Variants in PCDH15 observed in about 807,000 individuals in gnomAD.
PCDH15 encodes the protein protocadherin-15.
Under a neutral mutation model 178.5 loss-of-function variants are expected in PCDH15, and 129 were observed. That is an observed-to-expected ratio of 0.72 (90% CI 0.63 to 0.84). The LOEUF (loss-of-function observed/expected upper bound fraction) is 0.84, where lower values mean the gene tolerates loss of function less well. Ranked by LOEUF, PCDH15 falls within the 40% of genes least tolerant of loss-of-function variation. The probability of loss-of-function intolerance (pLI) is 0.00; values close to 1 mark genes in which losing one functional copy is unlikely to be tolerated. For missense variants in PCDH15, 2,230 were observed against 2,099.9 expected (o/e 1.06, Z -1.21); for synonymous variants, 800 against 732.0 (o/e 1.09, Z -1.50).
chr10:54,236,028 T>C (rs1448708559), intron 9 of PCDH15, among the ~76,000 whole-genome samples: 1 of 152,170 alleles, frequency 6.6e-6, no homozygotes, highest in Non-Finnish European at 1.5e-5. Flanking sequence ...TATTTGTATA[T>C]GCACATAGGC....
chr10:54,164,255 T>C (rs1021000655), intron 13 of PCDH15, among the ~76,000 whole-genome samples: 8 of 152,140 alleles, frequency 5.3e-5, no homozygotes, highest in African/African-American at 1.9e-4. Context: ...GTTGAGAAAA[T>C]AATTTGGAAA....
intron 3 of PCDH15, among the ~76,000 whole-genome samples, chr10:54,807,077 G>A (rs1306443457): frequency 6.6e-6 from 1 of 152,124 alleles, no homozygotes; most frequent in Non-Finnish European, 1.5e-5. Flanking sequence ...AAGACATAAT[G>A]CTAGTGGCCC....
At chr10:54,959,814 T>C (rs1444287940) in intron 2 of PCDH15, among the ~76,000 whole-genome samples, 1 of 152,034 alleles carries the variant, frequency 6.6e-6, no homozygotes, top group Non-Finnish European at 1.5e-5. Context: ...TGTATAAATG[T>C]CATGAAAAAA....
intron 3 of PCDH15, among the ~76,000 whole-genome samples, chr10:54,821,229 T>G (rs1953034110): frequency 6.6e-6 from 1 of 152,044 alleles, no homozygotes; most frequent in Non-Finnish European, 1.5e-5. Flanking sequence ...TGTTTGTGTG[T>G]ATATTTACAA....
At chr10:55,462,791 T>C (rs1426256360) in intron 2 of PCDH15, among the ~76,000 whole-genome samples, 1 of 152,182 alleles carries the variant, frequency 6.6e-6, no homozygotes, top group Non-Finnish European at 1.5e-5. Flanking sequence ...GGTTGCTGAG[T>C]TTGCCAACTG....
At chr10:55,059,800 C>T (rs963377432) in intron 2 of PCDH15, among the ~76,000 whole-genome samples, 6 of 152,014 alleles carry the variant, frequency 3.9e-5, no homozygotes, top group Non-Finnish European at 8.8e-5. Context: ...TATTGCTGGA[C>T]ATACAATAAG....
intron 20 of PCDH15, among the ~76,000 whole-genome samples, chr10:54,001,217 C>T (rs1204727333): frequency 2.0e-5 from 3 of 152,000 alleles, no homozygotes; most frequent in South Asian, 2.1e-4. Context: ...AAAGAAAGTT[C>T]GTGAGTAATA....
chr10:55,487,636 T>A (rs1030827225), intron 2 of PCDH15, among the ~76,000 whole-genome samples: 2 of 151,688 alleles, frequency 1.3e-5, no homozygotes, highest in African/African-American at 4.8e-5. Flanking sequence ...CACTTTTGAT[T>A]ACTGCTAGAG....
intron 3 of PCDH15, among the ~76,000 whole-genome samples, chr10:54,844,583 C>T (rs1010619163): frequency 2.6e-5 from 4 of 151,848 alleles, no homozygotes; most frequent in Admixed American, 6.6e-5. Context: ...TTTCTTCACT[C>T]GTGATTTGGT....
chr10:55,424,654 A>C (rs1182367697), intron 2 of PCDH15, among the ~76,000 whole-genome samples: 2 of 152,120 alleles, frequency 1.3e-5, no homozygotes, highest in African/African-American at 4.8e-5. Flanking sequence ...TGTGGGTTGT[A>C]CTAGTATTTA....
At chr10:54,415,592 C>T (rs1954223336) in intron 3 of PCDH15, among the ~76,000 whole-genome samples, 1 of 151,566 alleles carries the variant, frequency 6.6e-6, no homozygotes, top group Non-Finnish European at 1.5e-5. Flanking sequence ...ATAATATTCA[C>T]AGATGTGATA....
intron 2 of PCDH15, among the ~76,000 whole-genome samples, chr10:54,943,410 T>C (rs1444028073): frequency 1.3e-5 from 2 of 152,006 alleles, no homozygotes; most frequent in East Asian, 1.9e-4. Flanking sequence ...GCTCTGCCTA[T>C]GTAATTAGGA....
chr10:54,906,279 A>T (rs1473640530), intron 2 of PCDH15, among the ~76,000 whole-genome samples: 1 of 152,160 alleles, frequency 6.6e-6, no homozygotes. Flanking sequence ...ATTCTCTCTG[A>T]ATATTCTCTT....
At chr10:54,787,950 A>G (rs1951045309) in intron 1 of PCDH15, among the ~76,000 whole-genome samples, 1 of 151,944 alleles carries the variant, frequency 6.6e-6, no homozygotes, top group African/African-American at 2.4e-5. Context: ...CAGCATGAGA[A>G]AACTTGGAAT....
intron 3 of PCDH15, among the ~76,000 whole-genome samples, chr10:54,502,707 TA>T (rs1193680844): frequency 1.3e-5 from 2 of 152,202 alleles, no homozygotes; most frequent in East Asian, 3.9e-4. Context: ...CTCAATTTTA[TA>T]AATAATAAAA....
intron 2 of PCDH15, among the ~76,000 whole-genome samples, chr10:55,028,073 T>C (rs1261812609): frequency 2.0e-5 from 3 of 151,942 alleles, no homozygotes; most frequent in Non-Finnish European, 4.4e-5. Flanking sequence ...TGAACTCATG[T>C]ATTGACCACT....
chr10:53,897,905 C>A (rs2082060792), intron 26 of PCDH15, among the ~76,000 whole-genome samples: 2 of 147,686 alleles, frequency 1.4e-5, no homozygotes, highest in Admixed American at 6.7e-5. Context: ...ATGTGTATAT[C>A]ACATTTTGTT....
chr10:54,932,894 A>C (rs893889246), intron 2 of PCDH15, among the ~76,000 whole-genome samples: 3 of 152,000 alleles, frequency 2.0e-5, no homozygotes, highest in African/African-American at 7.3e-5. Flanking sequence ...ACATTCACTC[A>C]TCACTCACTC....
chr10:55,467,593 T>C (rs1839858576), intron 2 of PCDH15, among the ~76,000 whole-genome samples: 1 of 151,988 alleles, frequency 6.6e-6, no homozygotes, highest in Admixed American at 6.6e-5. Context: ...ATGGCAGAAA[T>C]AAGCAGGATA....
Sources: gnomAD v4.1 joint callset for allele counts (sites outside exome capture counted in the v4.1 genomes callset) on GRCh38, gnomAD v4.1.1 for gene constraint, MANE v1.5 for transcripts, NCBI Gene and HGNC (gene_info 2026-07-23, HGNC 2026-07-21) for gene names.